Variants in CHST15 observed in about 807,000 individuals in gnomAD.
CHST15 encodes B cell RAG associated protein (GALNAC4S-6ST).
In CHST15, 30 loss-of-function variants were observed where a neutral mutation model predicts 53.6. The observed-to-expected ratio is 0.56, with a 90% CI of 0.42 to 0.76. The LOEUF is 0.76. CHST15 is among the 30% of genes least tolerant of loss of function. The pLI is 0.00. For synonymous variants in CHST15, 296 were observed against 289.8 expected (o/e 1.02, Z -0.22); for missense variants, 627 against 740.5 (o/e 0.85, Z 1.78).
intron 5 of CHST15, among the ~76,000 whole-genome samples, chr10:124,023,469 G>C (rs970272496): frequency 6.7e-6 from 1 of 148,494 alleles, no homozygotes; most frequent in Non-Finnish European, 1.5e-5. Flanking sequence ...TGGGCAATGG[G>C]AGTGAGAACC....
rs1949005490 is a variant in CHST15 at position 124,074,117 on chromosome 10, G to C, written c.-513+19352C>G. 6.6e-6 allele frequency among the ~76,000 whole-genome samples: 1 copy of C among 152,228 alleles called. No individual in the cohort carries two copies. Among genetic ancestry groups the C allele is most frequent in the African/African-American group, 2.4e-5 (1 of 41,450 alleles). On this transcript the variant is annotated intron_variant, in intron 1 of 7. Transcript: ENST00000435907. The surrounding 1 kb of genome is among the most constrained non-coding windows in gnomAD (Gnocchi z 4.4). ...ACTTTCTCAGGACAGAAGTGGGTGT[G>C]ATTAGCGCAAGCTCAAGTCACGCCT...
chr10:124,023,653 G>C (rs528909527), intron 5 of CHST15, among the ~76,000 whole-genome samples: 1 of 151,984 alleles, frequency 6.6e-6, no homozygotes, highest in Non-Finnish European at 1.5e-5. Context: ...TCTGGGCCAA[G>C]GGTGAAACTG....
intron 5 of CHST15, among the ~76,000 whole-genome samples, chr10:124,021,620 A>G (rs1203212705): frequency 6.6e-6 from 1 of 152,082 alleles, no homozygotes; most frequent in Non-Finnish European, 1.5e-5. Context: ...TTCCAGACCC[A>G]GACATGTCTA....
At chr10:124,057,255 TTA>T (rs1478878492) in intron 1 of CHST15, among the ~76,000 whole-genome samples, 6 of 152,240 alleles carry the variant, frequency 3.9e-5, no homozygotes, top group African/African-American at 1.4e-4. Flanking sequence ...TACAAACTCA[TTA>T]TCTTCATCTG....
At chr10:124,020,052 C>G (rs1564852604) in intron 6 of CHST15, 9 of 985,900 alleles carry the variant, frequency 9.1e-6, no homozygotes, top group Non-Finnish European at 8.4e-6. Flanking sequence ...CCCTGCCCAG[C>G]CTCCATCTTC....
At chr10:124,090,234 C>G (rs1453493756) in intron 1 of CHST15, among the ~76,000 whole-genome samples, 2 of 152,242 alleles carry the variant, frequency 1.3e-5, no homozygotes. Context: ...CATTTAAATA[C>G]CCAGGCTGGA....
chr10:124,034,934 C>CG (rs1947395303), intron 5 of CHST15, among the ~76,000 whole-genome samples: 1 of 145,440 alleles, frequency 6.9e-6, no homozygotes, highest in African/African-American at 2.6e-5. Context: ...CTAACAGGGA[C>CG]CCTGGCTCCA....
At chr10:124,037,351 A>G (rs893831230) in intron 5 of CHST15, among the ~76,000 whole-genome samples, 10 of 152,302 alleles carry the variant, frequency 6.6e-5, no homozygotes, top group African/African-American at 2.4e-4. Context: ...AAATATCGCC[A>G]GCCTCTCCTG....
rs1050571207 is a variant in CHST15, at chr10:124,024,816, G to A, written c.1191-3404C>T. On this transcript the variant is annotated intron_variant, in intron 5 of 7. Transcript: ENST00000435907. The surrounding 1 kb of genome is among the most constrained non-coding windows in gnomAD (Gnocchi z 4.0). ...CACTGAGGGGTGCCAGGTGGCAATTGGTCTGAGGGGTACCCTTCCTGGCTC... is the reference window on the plus strand; with the variant it reads ...CACTGAGGGGTGCCAGGTGGCAATTAGTCTGAGGGGTACCCTTCCTGGCTC... Among the ~76,000 whole-genome samples, 3 of 152,156 alleles carry A rather than the reference G, an allele frequency of 2.0e-5. No homozygotes were observed. The highest frequency in any genetic ancestry group is 7.2e-5 in the African/African-American group (3 of 41,432).
chr10:124,022,839 CAG>C (rs1946838718), intron 5 of CHST15, among the ~76,000 whole-genome samples: 1 of 113,898 alleles, frequency 8.8e-6, no homozygotes, highest in South Asian at 2.9e-4. Context: ...TTTTTTGAGA[CAG>C]AGTTTCACTC....
At chr10:124,084,496 T>TA (rs1949356835) in intron 1 of CHST15, among the ~76,000 whole-genome samples, 1 of 75,282 alleles carries the variant, frequency 1.3e-5, no homozygotes, top group East Asian at 4.4e-4. Context: ...CAGCTCCTGC[T>TA]GCCCATCAAG....
intron 1 of CHST15, among the ~76,000 whole-genome samples, chr10:124,085,668 G>A (rs1475616036): frequency 2.6e-5 from 4 of 152,204 alleles, no homozygotes; most frequent in Non-Finnish European, 5.9e-5. Context: ...CATCAGGCTG[G>A]GAGAGCAGAC....
intron 5 of CHST15, among the ~76,000 whole-genome samples, chr10:124,026,887 C>T (rs915137321): frequency 4.6e-5 from 7 of 152,294 alleles, no homozygotes; most frequent in Non-Finnish European, 7.4e-5. Context: ...TACCTCCAGT[C>T]AGGGCAGGCT....
At chr10:124,045,112 CAAAAAAAAAAAAAAAAA>C (rs758243657) in intron 2 of CHST15, among the ~76,000 whole-genome samples, 193 bp from the exon 3 acceptor site, 5 of 33,800 alleles carry the variant, frequency 1.5e-4, no homozygotes, top group African/African-American at 3.0e-4. Context: ...CGCCGCCCCA[CAAAAAAAAAAAAAAAAA>C]AAAAAAAAAA....
rs902433319 is a variant in CHST15, at chr10:124,046,133, G to A, written c.80C>T (p.Pro27Leu). The change falls in exon 2 of 8, where the codon CCC becomes CTC. Residue 27 changes from proline (P) to leucine (L), a missense_variant. Transcript: ENST00000435907. ...GGGGCACGCCTGGTGACCGTGATGG[G>A]GGCCCCCTTGGCAGTTGACCTGCTG... ...HKQQVNCQGG[P>L]HHGHQACPTC... The A allele has an allele frequency of 1.9e-6, 3 of 1,614,026 alleles. No homozygotes were observed. The highest frequency in any genetic ancestry group is 2.5e-6 in the Non-Finnish European group (3 of 1,180,026).
chr10:124,084,210 G>C (rs1200516160), intron 1 of CHST15, among the ~76,000 whole-genome samples: 1 of 152,180 alleles, frequency 6.6e-6, no homozygotes, highest in African/African-American at 2.4e-5. Flanking sequence ...TGGGAAGCAA[G>C]GACAAAGGAA....
Position 124,037,274 on chromosome 10 carries a change from C to T in CHST15, c.1190+1241G>A, listed in dbSNP as rs574771073. ...GCTTATCTTTTTGGGGGGCACAATT[C>T]AATCCATAAGAAGATGTAGTTGGCC... is the stretch of plus-strand genomic sequence containing the variant. On this transcript the variant is annotated intron_variant, in intron 5 of 7. Transcript: ENST00000435907. 7.2e-5 allele frequency among the ~76,000 whole-genome samples: 11 copies of T among 152,286 alleles called. No individual in the cohort carries two copies. The East Asian group carries it at 2.1e-3, about 29-fold the overall frequency.
chr10:124,066,252 G>A (rs991884412), intron 1 of CHST15, among the ~76,000 whole-genome samples: 2 of 152,090 alleles, frequency 1.3e-5, no homozygotes, highest in Non-Finnish European at 1.5e-5. Context: ...AGCTTTGAGC[G>A]TCGACCAGCT....
intron 7 of CHST15, chr10:124,010,806 C>T (rs180824648): frequency 2.0e-6 from 2 of 985,356 alleles, no homozygotes; most frequent in Non-Finnish European, 2.4e-6. Context: ...CCTGGGCCTG[C>T]ACAGTTTCAC....
Sources: allele counts gnomAD v4.1 joint callset (sites outside exome capture counted in the v4.1 genomes callset), GRCh38; gene constraint gnomAD v4.1.1; non-coding constraint Gnocchi (gnomAD v3.1); transcripts MANE v1.5; gene names NCBI Gene and HGNC (gene_info 2026-07-23, HGNC 2026-07-21).